Variants in CAMTA1 observed in about 807,000 individuals in gnomAD.
The protein encoded by CAMTA1 is calmodulin binding transcription activator 1, also known as calmodulin-binding transcription activator 1.
Under a neutral mutation model 170.9 loss-of-function variants are expected in CAMTA1, and 27 were observed. The observed-to-expected ratio is 0.16, with a 90% CI of 0.12 to 0.22. The LOEUF (loss-of-function observed/expected upper bound fraction) is 0.22. Ranked by LOEUF, CAMTA1 falls within the 10% of genes least tolerant of loss-of-function variation. The pLI is 1.00. For missense variants in CAMTA1, 1,619 were observed against 2,217.2 expected, an observed-to-expected ratio of 0.73 and a Z score of 5.42; for synonymous variants, 833 against 891.5, an observed-to-expected ratio of 0.93 and a Z score of 1.17.
intron 6 of CAMTA1, among the ~76,000 whole-genome samples, chr1:7,491,915 T>C (rs1184354879): frequency 1.3e-5 from 2 of 152,222 alleles, no homozygotes; most frequent in Non-Finnish European, 2.9e-5. Flanking sequence ...CAAAGACCCA[T>C]GCTGCTGCCG....
At chr1:7,476,744 G>T (rs2093425786) in intron 6 of CAMTA1, among the ~76,000 whole-genome samples, 1 of 152,192 alleles carries the variant, frequency 6.6e-6, no homozygotes, top group Non-Finnish European at 1.5e-5. Flanking sequence ...AGTGCATGCA[G>T]CTTCAACATG....
chr1:7,132,074 C>T (rs1645294819), intron 4 of CAMTA1, among the ~76,000 whole-genome samples: 1 of 151,708 alleles, frequency 6.6e-6, no homozygotes, highest in African/African-American at 2.4e-5. Context: ...CACACACACG[C>T]ACACACACTC....
chr1:7,429,605 ATGCTGATGGTGG>A (rs927002048), intron 5 of CAMTA1, among the ~76,000 whole-genome samples: 1 of 151,774 alleles, frequency 6.6e-6, no homozygotes, highest in Non-Finnish European at 1.5e-5. Flanking sequence ...GTGAATGGTG[ATGCTGATGGTGG>A]TGATGGTGAT....
intron 1 of CAMTA1, among the ~76,000 whole-genome samples, chr1:6,811,105 C>T (rs1645115456): frequency 1.3e-5 from 2 of 152,300 alleles, no homozygotes; most frequent in Admixed American, 6.5e-5. Flanking sequence ...TTCTGTGTTA[C>T]AGTTGCCACC....
chr1:7,622,637 G>A (rs1326530339), intron 6 of CAMTA1, among the ~76,000 whole-genome samples: 1 of 152,230 alleles, frequency 6.6e-6, no homozygotes, highest in Non-Finnish European at 1.5e-5. Flanking sequence ...ACCAGCATGA[G>A]CCTATCCTGG....
rs2095771200 is a variant in CAMTA1, at chr1:7,642,483, G to A, written c.664+1930G>A. Among the ~76,000 whole-genome samples the A allele has an allele frequency of 6.6e-6, 1 of 152,160 alleles. No homozygotes were observed. Among genetic ancestry groups the A allele is most frequent in the Admixed American group, 6.5e-5 (1 of 15,288 alleles). On this transcript the variant is annotated intron_variant, in intron 7 of 22. Transcript: ENST00000303635. This position sits in a 1 kb window ranked among gnomAD's most constrained non-coding sequence, Gnocchi z 6.3. ...CCGGTGCTGCGGGCCCTGCTGTCAG[G>A]CCCGCCTGCCTGCCTTCGTACTCAG...
At chr1:7,314,389 GC>G (rs1472918254) in intron 5 of CAMTA1, among the ~76,000 whole-genome samples, 2 of 152,252 alleles carry the variant, frequency 1.3e-5, no homozygotes, top group Non-Finnish European at 2.9e-5. Context: ...TGCAATGGGA[GC>G]CCCAGGGTTT....
At chr1:7,498,216 A>G (rs952895240) in intron 6 of CAMTA1, among the ~76,000 whole-genome samples, 2 of 147,634 alleles carry the variant, frequency 1.4e-5, no homozygotes, top group African/African-American at 2.5e-5. Context: ...GACAGTGTGG[A>G]TGTGTGTGTA....
chr1:7,487,391 C>A (rs2093632486), intron 6 of CAMTA1, among the ~76,000 whole-genome samples: 1 of 152,202 alleles, frequency 6.6e-6, no homozygotes, highest in Admixed American at 6.5e-5. Context: ...GTCAGACTGA[C>A]CCTGTCTTTA....
At chr1:7,600,097 G>A (rs1333181181) in intron 6 of CAMTA1, among the ~76,000 whole-genome samples, 1 of 152,132 alleles carries the variant, frequency 6.6e-6, no homozygotes, top group African/African-American at 2.4e-5. Context: ...TAGCTCTTAT[G>A]ATTTTGAGAT....
chr1:7,270,289 A>ATTTT lies in CAMTA1; in HGVS notation c.438+20664_438+20665insTTTT, dbSNP rs1395986038. Among the ~76,000 whole-genome samples the ATTTT allele has an allele frequency of 8.4e-3, 948 of 112,674 alleles. 7 individuals carry two copies. Among genetic ancestry groups the ATTTT allele is most frequent in the Non-Finnish European group, 0.012 (656 of 56,100 alleles). The allele number at this position is 112,674 out of a possible 152,430, so 73.9% of individuals were successfully genotyped here. ...CACACACACACATATATATATATATATATTTTTTTTTTTTTTTCTTGTGAG... is the reference window on the plus strand; with the variant it reads ...CACACACACACATATATATATATATATTTTTATTTTTTTTTTTTTTTCTTGTGAG... On this transcript the variant is annotated intron_variant, in intron 5 of 22. Coordinates refer to ENST00000303635, the MANE Select transcript of CAMTA1 (RefSeq NM_015215.4).
chr1:6,985,406 C>T (rs1431308209), intron 3 of CAMTA1, among the ~76,000 whole-genome samples: 1 of 152,228 alleles, frequency 6.6e-6, no homozygotes, highest in Non-Finnish European at 1.5e-5. Context: ...TAGAAATTTT[C>T]TCCACGAAAA....
At chr1:7,180,345 C>T (rs1011508104) in intron 4 of CAMTA1, among the ~76,000 whole-genome samples, 4 of 142,950 alleles carry the variant, frequency 2.8e-5, no homozygotes, top group East Asian at 2.0e-4. Context: ...GTGACAAGAG[C>T]GAAACTACAT....
intron 3 of CAMTA1, among the ~76,000 whole-genome samples, chr1:6,938,510 G>C (rs1441314536): frequency 6.6e-6 from 1 of 152,208 alleles, no homozygotes; most frequent in African/African-American, 2.4e-5. Context: ...GCTCTTGAAG[G>C]CTTGGCTGGC....
intron 5 of CAMTA1, among the ~76,000 whole-genome samples, chr1:7,256,807 G>C (rs1362628141): frequency 1.3e-5 from 2 of 152,032 alleles, no homozygotes; most frequent in African/African-American, 4.8e-5. Flanking sequence ...CTGTTTCCTG[G>C]TGCATTTTGG....
chr1:7,287,724 C>A (rs956030509), intron 5 of CAMTA1, among the ~76,000 whole-genome samples: 1 of 152,188 alleles, frequency 6.6e-6, no homozygotes, highest in Non-Finnish European at 1.5e-5. Context: ...CACATTGCAA[C>A]TCTTGTGAGG....
chr1:7,678,624 G>GA (rs949287524), intron 11 of CAMTA1, among the ~76,000 whole-genome samples: 1 of 152,192 alleles, frequency 6.6e-6, no homozygotes, highest in African/African-American at 2.4e-5. Context: ...AGGCCTGGGG[G>GA]GCTGAGCCCA....
At chr1:6,984,948 C>G (rs1330478842) in intron 3 of CAMTA1, among the ~76,000 whole-genome samples, 1 of 152,174 alleles carries the variant, frequency 6.6e-6, no homozygotes, top group African/African-American at 2.4e-5. Flanking sequence ...ACCCTGCTTC[C>G]CAGAGAAAGG....
intron 6 of CAMTA1, among the ~76,000 whole-genome samples, chr1:7,586,883 T>C (rs543876277): frequency 1.3e-5 from 2 of 151,872 alleles, no homozygotes; most frequent in African/African-American, 4.8e-5. Flanking sequence ...AGAAGCACAA[T>C]AGCAGTGTGG....
Sources: gnomAD v4.1 joint callset for allele counts (sites outside exome capture counted in the v4.1 genomes callset) on GRCh38, gnomAD v4.1.1 for gene constraint, Gnocchi (gnomAD v3.1) non-coding constraint, MANE v1.5 for transcripts, NCBI Gene and HGNC (gene_info 2026-07-23, HGNC 2026-07-21) for gene names.